The following EDNRA variants were observed in gnomAD, a reference collection of about 807,000 sequenced individuals.
EDNRA encodes endothelin-1 receptor.
EDNRA carries 11 observed loss-of-function variants against 41.4 expected under a neutral mutation model. The ratio of observed to expected loss-of-function variants is 0.27; its 90% CI spans 0.17 to 0.44. The LOEUF (loss-of-function observed/expected upper bound fraction) is 0.44, where lower values mean the gene tolerates loss of function less well. EDNRA is among the 20% of genes least tolerant of loss of function. EDNRA has a pLI of 1.00. For missense variants in EDNRA, 294 were observed against 531.0 expected (o/e 0.55, Z 4.39); for synonymous variants, 172 against 183.0 (o/e 0.94, Z 0.49).
chr4:147,518,431 C>T (rs962869082), intron 2 of EDNRA, among the ~76,000 whole-genome samples: 3 of 152,072 alleles, frequency 2.0e-5, no homozygotes, highest in African/African-American at 4.8e-5. Flanking sequence ...AAGAAGAAAC[C>T]AGAGGCACTA....
In EDNRA at chr4:147,519,760, T is replaced by G. The variant is rs1730248445; in HGVS notation, c.421-91T>G. Reference sequence around the variant, plus strand: ...AACTGAAAAGCACTGTGAATAAAATTTAGAAGTTGGGACGCATAACTAAAA... The same window carrying G: ...AACTGAAAAGCACTGTGAATAAAATGTAGAAGTTGGGACGCATAACTAAAA... On this transcript the variant is annotated intron_variant, in intron 2 of 7. Transcript: ENST00000651419. The surrounding 1 kb of genome is among the most constrained non-coding windows in gnomAD (Gnocchi z 4.1). 3.5e-6 allele frequency: 5 copies of G among 1,440,024 alleles called. No homozygotes were observed. The Admixed American group carries it at 1.1e-4, about 32-fold the overall frequency. 89.2% of individuals were successfully genotyped at this position (1,440,024 alleles called of 1,614,324 possible). A position where few individuals can be genotyped will look rare whatever the true frequency, so the allele number is the denominator to read the frequency against.
chr4:147,485,016 A>G (rs1218066116), intron 1 of EDNRA, among the ~76,000 whole-genome samples: 2 of 152,174 alleles, frequency 1.3e-5, no homozygotes, highest in Non-Finnish European at 2.9e-5. Flanking sequence ...AGAAGATTCA[A>G]TTTTTACATT....
At chr4:147,505,927 C>T (rs1578790088) in intron 2 of EDNRA, among the ~76,000 whole-genome samples, 1 of 152,036 alleles carries the variant, frequency 6.6e-6, no homozygotes, top group African/African-American at 2.4e-5. Context: ...GGATTACAGG[C>T]GTGAGTGACC....
intron 6 of EDNRA, 108 bp from the exon 7 acceptor site, chr4:147,540,269 C>G: frequency 1.0e-6 from 1 of 965,956 alleles, no homozygotes; most frequent in Non-Finnish European, 1.5e-6. Flanking sequence ...GCCACCCATA[C>G]GAAATGGCTT....
intron 2 of EDNRA, among the ~76,000 whole-genome samples, chr4:147,509,494 C>CTCAACCCTCAA (rs1253326271): frequency 1.3e-5 from 2 of 152,192 alleles, no homozygotes; most frequent in Non-Finnish European, 2.9e-5. Flanking sequence ...GTCCTCAACC[C>CTCAACCCTCAA]CCAGGCTGCA....
rs969723534 is a variant in EDNRA at position 147,518,450 on chromosome 4, A to G, written c.421-1401A>G. Among the ~76,000 whole-genome samples, 3 of 152,222 alleles carry G rather than the reference A, an allele frequency of 2.0e-5. No homozygotes were observed. The East Asian group carries it at 5.8e-4, about 29-fold the overall frequency. ...AGAAACCAGAGGCACTATTGGATTA[A>G]AGAAAAAGGTTATTTTCAAAAACTA... On this transcript the variant is annotated intron_variant, in intron 2 of 7. Transcript: ENST00000651419.
chr4:147,516,007 T>A (rs569821072), intron 2 of EDNRA, among the ~76,000 whole-genome samples: 3 of 152,298 alleles, frequency 2.0e-5, no homozygotes, highest in Non-Finnish European at 4.4e-5. Context: ...TAGAAGAGCT[T>A]TCATTTTCAG....
At chr4:147,506,961 A>C (rs1729738622) in intron 2 of EDNRA, among the ~76,000 whole-genome samples, 1 of 152,222 alleles carries the variant, frequency 6.6e-6, no homozygotes, top group African/African-American at 2.4e-5. Flanking sequence ...ATTTATTTAT[A>C]GACTTAACTT....
chr4:147,507,490 G>A (rs1054594294), intron 2 of EDNRA, among the ~76,000 whole-genome samples: 5 of 152,216 alleles, frequency 3.3e-5, no homozygotes, highest in Admixed American at 3.3e-4. Flanking sequence ...AAATGATAGA[G>A]TTATAGAGAT....
chr4:147,512,266 A>T (rs1206880588), intron 2 of EDNRA, among the ~76,000 whole-genome samples: 4 of 152,224 alleles, frequency 2.6e-5, no homozygotes, highest in African/African-American at 4.8e-5. Flanking sequence ...TGAGATTCTC[A>T]GGGGTGATAA....
chr4:147,522,050 ATG>A (rs1730339928), intron 3 of EDNRA, among the ~76,000 whole-genome samples: 1 of 152,336 alleles, frequency 6.6e-6, no homozygotes, highest in East Asian at 1.9e-4. Context: ...ATACACAAGA[ATG>A]TATTAATAAT....
At position 147,486,290 on chromosome 4, in the gene EDNRA, T is replaced by G. The variant is rs1347682560; in HGVS notation, c.420+189T>G. On this transcript the variant is annotated intron_variant, in intron 2 of 7. Coordinates refer to ENST00000651419, the MANE Select transcript of EDNRA (RefSeq NM_001957.4). The surrounding 1 kb of genome is among the most constrained non-coding windows in gnomAD (Gnocchi z 4.3). ...TATCTGTCTTATGTTACACTTAGTTTCTACCTTAATTGTAACAAAATAGTA... is the reference window on the plus strand; with the variant it reads ...TATCTGTCTTATGTTACACTTAGTTGCTACCTTAATTGTAACAAAATAGTA... 2.0e-5 allele frequency among the ~76,000 whole-genome samples: 3 copies of G among 152,224 alleles called. No individual in the cohort carries two copies. Among genetic ancestry groups the G allele is most frequent in the Non-Finnish European group, 4.4e-5 (3 of 68,034 alleles).
intron 3 of EDNRA, among the ~76,000 whole-genome samples, chr4:147,528,235 A>G (rs890095644): frequency 6.6e-6 from 1 of 152,214 alleles, no homozygotes; most frequent in African/African-American, 2.4e-5. Flanking sequence ...GCCAACAAAA[A>G]GACACTTCAT....
rs142123302 is a variant in EDNRA, at chr4:147,537,275, C to T, written c.900+1246C>T. On this transcript the variant is annotated intron_variant, in intron 5 of 7. Coordinates refer to ENST00000651419, the MANE Select transcript of EDNRA (RefSeq NM_001957.4). ...AGGATCAAAAGGATGAATGTGTATG[C>T]ATGTACTTTATAAAATCTAACATGC... Among the ~76,000 whole-genome samples, 6 of 152,284 alleles carry T rather than the reference C, an allele frequency of 3.9e-5. No individual in the cohort carries two copies. In the East Asian group the frequency reaches 1.2e-3, roughly 29 times the overall value.
At chr4:147,539,789 G>A in intron 5 of EDNRA, 28 bp from the exon 6 acceptor site, 1 of 1,600,218 alleles carries the variant, frequency 6.2e-7, no homozygotes. Context: ...TAAATTTGTT[G>A]TCCTATTTTT....
chr4:147,504,766 G>A (rs1228592115), intron 2 of EDNRA, among the ~76,000 whole-genome samples: 4 of 151,794 alleles, frequency 2.6e-5, no homozygotes, highest in East Asian at 3.9e-4. Flanking sequence ...ACCAGCCTGG[G>A]CAACATGGCA....
At chr4:147,512,107 G>T (rs748231509) in intron 2 of EDNRA, among the ~76,000 whole-genome samples, 1 of 152,102 alleles carries the variant, frequency 6.6e-6, no homozygotes. Flanking sequence ...CTTCTCTAAA[G>T]TTCCATTCTT....
intron 2 of EDNRA, among the ~76,000 whole-genome samples, chr4:147,517,464 A>AG (rs1430395340): frequency 6.6e-6 from 1 of 152,216 alleles, no homozygotes; most frequent in Non-Finnish European, 1.5e-5. Flanking sequence ...AAAGGAAAAG[A>AG]GGGGGACGTT....
chr4:147,536,055 C>A (rs200962903), intron 5 of EDNRA, 26 bp downstream of exon 5: 35 of 1,613,166 alleles, frequency 2.2e-5, no homozygotes, highest in Non-Finnish European at 3.0e-5. Context: ...TCATGAAAAT[C>A]TGGCCAGGAC....
Sources: gnomAD v4.1 joint callset for allele counts (sites outside exome capture counted in the v4.1 genomes callset) on GRCh38, gnomAD v4.1.1 for gene constraint, Gnocchi (gnomAD v3.1) non-coding constraint, MANE v1.5 for transcripts, NCBI Gene and HGNC (gene_info 2026-07-23, HGNC 2026-07-21) for gene names.